Variants in PLCH2 observed in about 807,000 individuals in gnomAD.
PLCH2 encodes the protein 1-phosphatidylinositol 4,5-bisphosphate phosphodiesterase eta-2.
PLCH2 carries 98 observed loss-of-function variants against 134.7 expected under a neutral mutation model. That is an observed-to-expected ratio of 0.73 (90% CI 0.62 to 0.86). The LOEUF is 0.86. Ranked by LOEUF, PLCH2 falls within the 40% of genes least tolerant of loss-of-function variation. The pLI, the probability that PLCH2 is intolerant of heterozygous loss-of-function variation, is 0.00. For missense variants in PLCH2, 1,994 were observed against 1,986.6 expected, an observed-to-expected ratio of 1.00 and a Z score of -0.07; for synonymous variants, 974 against 827.5, an observed-to-expected ratio of 1.18 and a Z score of -3.04.
chr1:2,435,262 G>C (rs367835188), intron 2 of PLCH2, among the ~76,000 whole-genome samples: 2 of 152,222 alleles, frequency 1.3e-5, no homozygotes, highest in Non-Finnish European at 2.9e-5. Flanking sequence ...GCCAGAGGCC[G>C]GGCAGGGGCT....
chr1:2,453,143 C>T (rs1640324727), intron 2 of PLCH2, among the ~76,000 whole-genome samples: 1 of 152,212 alleles, frequency 6.6e-6, no homozygotes, highest in African/African-American at 2.4e-5. Context: ...TGCTACAAGC[C>T]TCCTGCCTGT....
intron 20 of PLCH2, 113 bp from the exon 21 acceptor site, chr1:2,501,999 A>G: frequency 1.0e-6 from 1 of 998,644 alleles, no homozygotes; most frequent in Non-Finnish European, 1.4e-6. Flanking sequence ...AGCCCCTCGG[A>G]CCGAGACACG....
chr1:2,497,745 A>C (rs1642976986), intron 16 of PLCH2, 136 bp downstream of exon 16: 1 of 408,542 alleles, frequency 2.4e-6, no homozygotes, highest in Admixed American at 3.5e-5. Flanking sequence ...CTGGAGGGTC[A>C]GGTTGGGACG....
intron 2 of PLCH2, among the ~76,000 whole-genome samples, chr1:2,437,513 C>T (rs1322704787): frequency 4.0e-5 from 6 of 151,842 alleles, no homozygotes; most frequent in Admixed American, 2.6e-4. Context: ...CCCTCCCGCC[C>T]ACCATCCGAC....
chr1:2,497,914 C>T (rs1049936533), intron 16 of PLCH2: 7 of 363,094 alleles, frequency 1.9e-5, no homozygotes, highest in South Asian at 7.2e-5. Context: ...CCAGTGCCAG[C>T]GACCCAGCCC....
At chr1:2,488,792 A>G (rs1199492036) in intron 8 of PLCH2, among the ~76,000 whole-genome samples, 1 of 152,218 alleles carries the variant, frequency 6.6e-6, no homozygotes, top group Non-Finnish European at 1.5e-5. Flanking sequence ...TTCAGAGGAC[A>G]GGGTCCCCAG....
At chr1:2,463,634 G>A (rs892362601), upstream of PLCH2, among the ~76,000 whole-genome samples, 12 of 151,538 alleles carry the variant, frequency 7.9e-5, no homozygotes, top group East Asian at 1.5e-3. Flanking sequence ...GCTGCAGCCC[G>A]GAGACTGGTC....
rs769521815 is a variant in PLCH2 at position 2,489,786 on chromosome 1, C to T, written c.1434C>T (p.Ser478=). 41 of 1,613,442 alleles carry T rather than the reference C, an allele frequency of 2.5e-5. No homozygotes were observed. Among genetic ancestry groups the T allele is most frequent in the Middle Eastern group, 1.6e-4 (1 of 6,082 alleles). ...VKGKKLPANI[S]EDAEEGEVSD... ...GGAAGAAGCTCCCAGCCAACATCAG[C>T]GAGGATGCGGAGGAAGGCGAGGTGT... is the stretch of plus-strand genomic sequence containing the variant. Residue 478 remains serine (S), a synonymous_variant, in exon 10 of 22, where the codon AGC becomes AGT. Coordinates refer to ENST00000378486, the MANE Select transcript of PLCH2 (RefSeq NM_014638.4).
chr1:2,465,977 T>A (rs903991740), upstream of PLCH2, among the ~76,000 whole-genome samples: 1 of 152,206 alleles, frequency 6.6e-6, no homozygotes, highest in African/African-American at 2.4e-5. Context: ...AGTTTCTCCC[T>A]TCTGAGACTT....
intron 2 of PLCH2, among the ~76,000 whole-genome samples, chr1:2,438,289 G>A (rs1043898714): frequency 3.3e-5 from 5 of 152,250 alleles, no homozygotes; most frequent in Non-Finnish European, 7.3e-5. Context: ...CACTGGGCCC[G>A]GCTGGCGTGG....
At position 2,502,384 on chromosome 1, in the gene PLCH2, G is replaced by T. The variant is rs1271488959; in HGVS notation, c.2934G>T (p.Glu978Asp). The T allele has an allele frequency of 3.2e-6, 5 of 1,543,840 alleles. No individual in the cohort carries two copies. Among genetic ancestry groups the T allele is most frequent in the Non-Finnish European group, 4.4e-6 (5 of 1,145,654 alleles). ...CTGCTCCGGAAGCCCCAGCCCAGGA[G>T]GGGCCCGGCAGCGGCAGCCCCCGAG... The part of the protein sequence containing the change: ...PGPAPEAPAQ[E>D]GPGSGSPRDT... Residue 978 changes from glutamate (E) to aspartate (D), a missense_variant, in exon 21 of 22, where the codon GAG (glutamate) becomes GAT (aspartate). Transcript: ENST00000378486.
intron 1 of PLCH2, among the ~76,000 whole-genome samples, chr1:2,469,424 C>T (rs904540323): frequency 2.0e-5 from 3 of 152,218 alleles, no homozygotes; most frequent in East Asian, 1.9e-4. Context: ...CTCCACGTGC[C>T]GCCGAGGACG....
At chr1:2,451,304 C>T (rs1471249001) in intron 2 of PLCH2, among the ~76,000 whole-genome samples, 1 of 152,218 alleles carries the variant, frequency 6.6e-6, no homozygotes, top group Non-Finnish European at 1.5e-5. Context: ...ATGTGTGTGC[C>T]TCCCCGGCCC....
At chr1:2,421,444 A>G (rs1317099632), upstream of PLCH2, among the ~76,000 whole-genome samples, 1 of 152,262 alleles carries the variant, frequency 6.6e-6, no homozygotes, top group Non-Finnish European at 1.5e-5. Flanking sequence ...CAGAAATACT[A>G]TAAAAAGCAA....
chr1:2,483,989 G>T (rs1232119054), intron 4 of PLCH2, among the ~76,000 whole-genome samples: 1 of 135,344 alleles, frequency 7.4e-6, no homozygotes, highest in African/African-American at 2.9e-5. Flanking sequence ...CCGTGTGGGG[G>T]GGCGCTGACT....
intron 4 of PLCH2, 26 bp downstream of exon 4, chr1:2,480,338 G>T: frequency 6.2e-7 from 1 of 1,606,204 alleles, no homozygotes; most frequent in Non-Finnish European, 8.5e-7. Context: ...CCCTACCTGG[G>T]CTCCAGAGCC....
intron 2 of PLCH2, among the ~76,000 whole-genome samples, chr1:2,455,862 G>C (rs1027861634): frequency 3.3e-5 from 5 of 152,222 alleles, no homozygotes; most frequent in Non-Finnish European, 7.4e-5. Flanking sequence ...TACCTGTTGA[G>C]CCGTGCCGTG....
intron 2 of PLCH2, among the ~76,000 whole-genome samples, chr1:2,453,933 C>A (rs891295808): frequency 3.9e-5 from 6 of 152,004 alleles, no homozygotes; most frequent in Admixed American, 3.9e-4. Context: ...AGAGGGCAGG[C>A]CCCAGCCAGT....
In PLCH2 at chr1:2,498,458, T is replaced by C. The variant is rs557660093; in HGVS notation, c.2225-65T>C. On this transcript the variant is annotated intron_variant, in intron 16 of 21. Coordinates refer to ENST00000378486, the MANE Select transcript of PLCH2 (RefSeq NM_014638.4). This position sits in a 1 kb window ranked among gnomAD's most constrained non-coding sequence, Gnocchi z 5.4. ...CTGGGGAGGGGGCTGTTGGCAGCCATGCCCCAGCAAGCAGGGGGCTTGCTG... is the reference window on the plus strand; with the variant it reads ...CTGGGGAGGGGGCTGTTGGCAGCCACGCCCCAGCAAGCAGGGGGCTTGCTG... The C allele has an allele frequency of 1.0e-4, 155 of 1,551,030 alleles. 1 individual carries two copies. In the South Asian group the frequency reaches 1.8e-3, roughly 18 times the overall value.
Sources: allele counts gnomAD v4.1 joint callset (sites outside exome capture counted in the v4.1 genomes callset), GRCh38; gene constraint gnomAD v4.1.1; non-coding constraint Gnocchi (gnomAD v3.1); transcripts MANE v1.5; gene names NCBI Gene and HGNC (gene_info 2026-07-23, HGNC 2026-07-21).